PCDH15: variants seen among roughly 807,000 people sequenced by gnomAD.
The protein encoded by PCDH15 is protocadherin related 15.
PCDH15 carries 129 observed loss-of-function variants against 178.5 expected under a neutral mutation model. The ratio of observed to expected loss-of-function variants is 0.72; its 90% CI spans 0.63 to 0.84. The LOEUF is 0.84. Ranked by LOEUF, PCDH15 falls within the 40% of genes least tolerant of loss-of-function variation. The pLI, the probability that PCDH15 is intolerant of heterozygous loss-of-function variation, is 0.00. For missense variants in PCDH15, 2,230 were observed against 2,099.9 expected (o/e 1.06, Z -1.21); for synonymous variants, 800 against 732.0 (o/e 1.09, Z -1.50).
intron 1 of PCDH15, among the ~76,000 whole-genome samples, chr10:54,780,930 C>T (rs935452429): frequency 1.3e-5 from 2 of 151,924 alleles, no homozygotes; most frequent in Non-Finnish European, 2.9e-5. Flanking sequence ...CTTAGAAAAA[C>T]AGCATTGCTA....
chr10:54,291,742 A>G (rs1394558352), intron 8 of PCDH15, among the ~76,000 whole-genome samples: 1 of 152,226 alleles, frequency 6.6e-6, no homozygotes, highest in Non-Finnish European at 1.5e-5. Context: ...AAATTCCTGG[A>G]CACATATGCC....
chr10:55,020,383 CA>C lies in PCDH15; in HGVS notation c.-79-122884del, dbSNP rs796225436. ...GGATAAATATAAAGTAATGAGAATG[CA>C]AAAAAAAAAAGAAGACTTGATTTCA... On this transcript the variant is annotated intron_variant, in intron 2 of 5. Transcript: ENST00000458638. Among the ~76,000 whole-genome samples the C allele has an allele frequency of 3.0e-3, 402 of 135,460 alleles. 2 individuals are homozygous for C. Among genetic ancestry groups the C allele is most frequent in the African/African-American group, 7.3e-3 (275 of 37,430 alleles). The allele number at this position is 135,460 out of a possible 152,430, so 88.9% of individuals were successfully genotyped here. A position where few individuals can be genotyped will look rare whatever the true frequency, so the allele number is the denominator to read the frequency against.
intron 18 of PCDH15, among the ~76,000 whole-genome samples, chr10:54,040,953 C>T (rs995862624): frequency 1.3e-5 from 2 of 151,812 alleles, no homozygotes; most frequent in Non-Finnish European, 2.9e-5. Context: ...TTAAATAGGC[C>T]CTTTTGGATC....
intron 21 of PCDH15, among the ~76,000 whole-genome samples, chr10:53,982,390 A>G (rs886482234): frequency 2.6e-5 from 4 of 152,124 alleles, no homozygotes; most frequent in Admixed American, 1.3e-4. Context: ...TTGCGGCACT[A>G]TTCACAATAG....
chr10:54,382,843 T>C (rs1381603622), intron 3 of PCDH15, among the ~76,000 whole-genome samples: 2 of 152,130 alleles, frequency 1.3e-5, no homozygotes, highest in Non-Finnish European at 2.9e-5. Context: ...AATAAATGTG[T>C]GTTGTTTTAA....
chr10:55,311,998 G>A (rs1682339074), intron 1 of PCDH15, among the ~76,000 whole-genome samples: 1 of 152,172 alleles, frequency 6.6e-6, no homozygotes, highest in Non-Finnish European at 1.5e-5. Context: ...ATTTTTACAT[G>A]CTGTGAATCA....
intron 20 of PCDH15, among the ~76,000 whole-genome samples, chr10:54,010,517 G>A (rs2092545740): frequency 6.6e-6 from 1 of 152,172 alleles, no homozygotes; most frequent in Non-Finnish European, 1.5e-5. Flanking sequence ...CAGCATTACA[G>A]AAAAGCAGCT....
chr10:54,386,523 C>A (rs1208275969), intron 3 of PCDH15, among the ~76,000 whole-genome samples: 2 of 151,966 alleles, frequency 1.3e-5, no homozygotes, highest in African/African-American at 4.8e-5. Flanking sequence ...CAGAGAACCA[C>A]CTGAAAGTGA....
chr10:55,333,415 G>C (rs1366351559), intron 2 of PCDH15, among the ~76,000 whole-genome samples: 1 of 151,896 alleles, frequency 6.6e-6, no homozygotes, highest in Non-Finnish European at 1.5e-5. Flanking sequence ...TCAAGAAATA[G>C]AAATAAAAGA....
intron 2 of PCDH15, among the ~76,000 whole-genome samples, chr10:54,536,195 C>A (rs1393954841): frequency 1.3e-5 from 2 of 152,196 alleles, no homozygotes; most frequent in Non-Finnish European, 2.9e-5. Context: ...CTTGCTCACT[C>A]TTAGGACCTT....
At chr10:54,072,044 A>C (rs1180707183) in intron 17 of PCDH15, among the ~76,000 whole-genome samples, 1 of 152,086 alleles carries the variant, frequency 6.6e-6, no homozygotes, top group Non-Finnish European at 1.5e-5. Context: ...ATTTTATTTA[A>C]ATGTCTGAAA....
intron 2 of PCDH15, among the ~76,000 whole-genome samples, chr10:54,968,106 T>C (rs1248276412): frequency 6.6e-6 from 1 of 152,172 alleles, no homozygotes; most frequent in Non-Finnish European, 1.5e-5. Context: ...TTCTTACACT[T>C]ATACATACAT....
chr10:54,063,676 T>C lies in PCDH15; in HGVS notation c.2220+3081A>G, dbSNP rs374965601. 1.5e-4 allele frequency among the ~76,000 whole-genome samples: 23 copies of C among 152,294 alleles called. No homozygotes were observed. In the East Asian group the frequency reaches 3.3e-3, roughly 22 times the overall value. ...CACCTGGCAGGCTGTGCTTGGCTCA[T>C]GCTACTGGGCTAAATCCGACACTTT... On this transcript the variant is annotated intron_variant, in intron 18 of 37. Coordinates refer to ENST00000644397, the MANE Select transcript of PCDH15 (RefSeq NM_001384140.1).
At chr10:53,826,692 C>G (rs956271195) in intron 32 of PCDH15, among the ~76,000 whole-genome samples, 1 of 152,050 alleles carries the variant, frequency 6.6e-6, no homozygotes, top group Non-Finnish European at 1.5e-5. Flanking sequence ...GGTCTTTTAA[C>G]AGTTACCAGT....
At chr10:54,611,410 T>A (rs2092956862) in intron 2 of PCDH15, among the ~76,000 whole-genome samples, 1 of 151,886 alleles carries the variant, frequency 6.6e-6, no homozygotes, top group East Asian at 1.9e-4. Flanking sequence ...TCTGTTAGCA[T>A]GTGCTGTAAA....
intron 16 of PCDH15, among the ~76,000 whole-genome samples, chr10:54,082,404 T>C (rs1204974533): frequency 1.3e-5 from 2 of 152,154 alleles, no homozygotes; most frequent in East Asian, 1.9e-4. Flanking sequence ...GAATACAGAA[T>C]AATAAATATA....
chr10:55,614,174 C>G (rs900640024), intron 2 of PCDH15, among the ~76,000 whole-genome samples: 2 of 151,340 alleles, frequency 1.3e-5, no homozygotes, highest in African/African-American at 4.9e-5. Context: ...TTAAATTTTA[C>G]TTTAGGTTTG....
At chr10:54,804,044 T>A (rs1324241602), upstream of PCDH15, among the ~76,000 whole-genome samples, 9 of 151,980 alleles carry the variant, frequency 5.9e-5, no homozygotes, top group Admixed American at 5.9e-4. Flanking sequence ...AAAAAAATTT[T>A]CTTTTTTTTT....
intron 1 of PCDH15, among the ~76,000 whole-genome samples, chr10:55,199,743 G>A (rs960090070): frequency 1.2e-4 from 18 of 152,034 alleles, no homozygotes; most frequent in African/African-American, 4.1e-4. Flanking sequence ...GCAGCCTCAG[G>A]ACATAGCACC....
Sources: gnomAD v4.1 joint callset for allele counts (sites outside exome capture counted in the v4.1 genomes callset) on GRCh38, gnomAD v4.1.1 for gene constraint, MANE v1.5 for transcripts, NCBI Gene and HGNC (gene_info 2026-07-23, HGNC 2026-07-21) for gene names.